DPF3: variants seen among roughly 807,000 people sequenced by gnomAD.
DPF3 encodes double PHD fingers 3, also known as zinc finger protein DPF3.
DPF3 carries 18 observed loss-of-function variants against 56.8 expected under a neutral mutation model. The observed-to-expected ratio is 0.32, with a 90% CI of 0.22 to 0.47. DPF3 has a LOEUF of 0.47. Among genes scored for constraint, DPF3 ranks in the 20% least tolerant of loss-of-function variants. DPF3 has a pLI of 1.00. For synonymous variants in DPF3, 188 were observed against 180.2 expected (o/e 1.04, Z -0.35); for missense variants, 403 against 488.8 (o/e 0.82, Z 1.65).
At chr14:72,884,940 C>CTATATATATA (rs773450437) in intron 1 of DPF3, among the ~76,000 whole-genome samples, 1,216 of 29,584 alleles carry the variant, frequency 0.041, 177 homozygotes, top group Admixed American at 0.06. Flanking sequence ...ACTAAAAATA[C>CTATATATATA]TATATATATA....
intron 1 of DPF3, chr14:72,879,666 C>T (rs1019912185): frequency 5.7e-5 from 62 of 1,094,070 alleles, no homozygotes; most frequent in South Asian, 5.3e-4. Context: ...CAGAGGAAAC[C>T]GCCTGCCCAG....
At chr14:72,805,507 A>C (rs1317691893) in intron 1 of DPF3, among the ~76,000 whole-genome samples, 3 of 150,768 alleles carry the variant, frequency 2.0e-5, no homozygotes, top group African/African-American at 7.3e-5. Flanking sequence ...CCAAACCCCC[A>C]GGGCAAATGG....
At chr14:72,776,512 C>A (rs2139953730) in intron 1 of DPF3, among the ~76,000 whole-genome samples, 1 of 152,258 alleles carries the variant, frequency 6.6e-6, no homozygotes, top group East Asian at 1.9e-4. Context: ...GAGATGGACT[C>A]CAGGGGGCCA....
chr14:72,610,442 C>T lies in DPF3; in HGVS notation c.*8855G>A, dbSNP rs1269635324. ...CACCAAAGCCACTGGACCAGCCTGT[C>T]CCTGAGAAGAGACACAGAGGGGCTT... On this transcript the variant is annotated 3_prime_UTR_variant, in exon 11 of 11. Transcript: ENST00000556509. 6.6e-6 allele frequency among the ~76,000 whole-genome samples: 1 copy of T among 152,202 alleles called. No individual in the cohort carries two copies. The highest frequency in any genetic ancestry group is 1.5e-5 in the Non-Finnish European group (1 of 68,040).
intron 7 of DPF3, among the ~76,000 whole-genome samples, chr14:72,679,638 C>G (rs1887070955): frequency 6.6e-6 from 1 of 152,256 alleles, no homozygotes; most frequent in African/African-American, 2.4e-5. Flanking sequence ...TTCCCGTGTC[C>G]CTCTACAGGT....
chr14:72,785,505 C>G (rs1227170261), intron 1 of DPF3, among the ~76,000 whole-genome samples: 1 of 152,152 alleles, frequency 6.6e-6, no homozygotes, highest in Non-Finnish European at 1.5e-5. Flanking sequence ...CGCCATTACC[C>G]CCTCACAATG....
At chr14:72,692,023 C>T (rs540254580) in intron 7 of DPF3, among the ~76,000 whole-genome samples, 1 of 152,288 alleles carries the variant, frequency 6.6e-6, no homozygotes, top group Middle Eastern at 3.4e-3. Flanking sequence ...GGAGACCCCA[C>T]ACTAATCTGA....
intron 1 of DPF3, among the ~76,000 whole-genome samples, chr14:72,865,318 T>C (rs1315040540): frequency 6.6e-6 from 1 of 152,304 alleles, no homozygotes; most frequent in Admixed American, 6.5e-5. Context: ...AACAGATCCA[T>C]AGAGATAATT....
At chr14:72,876,219 G>T (rs1479132214) in intron 1 of DPF3, among the ~76,000 whole-genome samples, 1 of 152,192 alleles carries the variant, frequency 6.6e-6, no homozygotes, top group Non-Finnish European at 1.5e-5. Context: ...AGGATTGATG[G>T]CTCACACCAG....
chr14:72,689,958 G>A (rs556812267), intron 7 of DPF3, among the ~76,000 whole-genome samples: 7 of 152,300 alleles, frequency 4.6e-5, no homozygotes, highest in African/African-American at 7.2e-5. Flanking sequence ...AACCTTCTTC[G>A]TGTGGGGAGG....
chr14:72,624,221 ATAT>A, intron 9 of DPF3, among the ~76,000 whole-genome samples: 1 of 152,104 alleles, frequency 6.6e-6, no homozygotes, highest in East Asian at 1.9e-4. Context: ...TAATATTAAC[ATAT>A]TATATTACTA....
intron 6 of DPF3, among the ~76,000 whole-genome samples, chr14:72,697,900 C>T (rs1887976125): frequency 6.6e-6 from 1 of 152,182 alleles, no homozygotes; most frequent in Admixed American, 6.5e-5. Flanking sequence ...CCACCCACCT[C>T]TCCAGCCTCT....
chr14:72,834,251 C>G (rs531386510), intron 1 of DPF3, among the ~76,000 whole-genome samples: 20 of 152,184 alleles, frequency 1.3e-4, no homozygotes, highest in African/African-American at 4.8e-4. Context: ...AACGCCAACA[C>G]TTTGGGAGGC....
At chr14:72,865,921 C>T (rs1885644306) in intron 1 of DPF3, among the ~76,000 whole-genome samples, 1 of 152,102 alleles carries the variant, frequency 6.6e-6, no homozygotes, top group Non-Finnish European at 1.5e-5. Context: ...GTGATGTGCA[C>T]CTGTAATCCC....
At chr14:72,893,894 A>G (rs950935623) in intron 1 of DPF3, among the ~76,000 whole-genome samples, 163 bp downstream of exon 1, 4 of 152,156 alleles carry the variant, frequency 2.6e-5, no homozygotes, top group African/African-American at 7.2e-5. Flanking sequence ...GCGTTGGGGG[A>G]AAAAAAGAAG....
chr14:72,814,121 C>T (rs914478816), intron 1 of DPF3, among the ~76,000 whole-genome samples: 16 of 152,202 alleles, frequency 1.1e-4, no homozygotes, highest in Admixed American at 2.6e-4. Context: ...ATGTTGCAGG[C>T]GACGTGGCCC....
At chr14:72,633,027 A>C (rs1310181989) in intron 8 of DPF3, among the ~76,000 whole-genome samples, 1 of 152,216 alleles carries the variant, frequency 6.6e-6, no homozygotes, top group Non-Finnish European at 1.5e-5. Flanking sequence ...ACTAAGGTGG[A>C]AATTTGAGAA....
At chr14:72,892,819 G>A (rs888706160) in intron 1 of DPF3, among the ~76,000 whole-genome samples, 6 of 152,170 alleles carry the variant, frequency 3.9e-5, no homozygotes, top group African/African-American at 1.2e-4. Flanking sequence ...CCTCGGATAC[G>A]GAGGGAGCCA....
At chr14:72,889,504 G>C in intron 1 of DPF3, among the ~76,000 whole-genome samples, 1 of 152,146 alleles carries the variant, frequency 6.6e-6, no homozygotes, top group South Asian at 2.1e-4. Flanking sequence ...ACAAAGTCCC[G>C]GCCTCAATGC....
Sources: allele counts gnomAD v4.1 joint callset (sites outside exome capture counted in the v4.1 genomes callset), GRCh38; gene constraint gnomAD v4.1.1; transcripts MANE v1.5; gene names NCBI Gene and HGNC (gene_info 2026-07-23, HGNC 2026-07-21).